Variants in CUL4A observed in about 807,000 individuals in gnomAD.
CUL4A encodes the protein cullin 4A.
In CUL4A, 16 loss-of-function variants were observed where a neutral mutation model predicts 95.5. That is an observed-to-expected ratio of 0.17 (90% CI 0.11 to 0.25). The LOEUF (loss-of-function observed/expected upper bound fraction) is 0.25. Among genes scored for constraint, CUL4A ranks in the 10% least tolerant of loss-of-function variants. The pLI, the probability that CUL4A is intolerant of heterozygous loss-of-function variation, is 1.00. For missense variants in CUL4A, 610 were observed against 937.0 expected (o/e 0.65, Z 4.56); for synonymous variants, 380 against 353.1 (o/e 1.08, Z -0.85).
intron 3 of CUL4A, among the ~76,000 whole-genome samples, chr13:113,227,066 G>C (rs184668871): frequency 6.6e-6 from 1 of 152,204 alleles, no homozygotes. Flanking sequence ...ATGAAGGGAG[G>C]CTGGAGAGGG....
At chr13:113,230,909 T>C (rs1362191779) in intron 5 of CUL4A, among the ~76,000 whole-genome samples, 9 of 152,116 alleles carry the variant, frequency 5.9e-5, no homozygotes, top group Non-Finnish European at 8.8e-5. Flanking sequence ...TAGCTGGGAC[T>C]ATAGGCACGC....
At chr13:113,208,409 G>A, upstream of CUL4A, 1 of 1,480,822 alleles carries the variant, frequency 6.8e-7, no homozygotes, top group Non-Finnish European at 8.9e-7. Context: ...CCCTGCAGGG[G>A]AGAACTCGGG....
intron 15 of CUL4A, 136 bp downstream of exon 15, chr13:113,246,199 G>T: frequency 1.5e-6 from 1 of 651,964 alleles, no homozygotes; most frequent in Non-Finnish European, 2.6e-6. Context: ...TGCTCTTATG[G>T]TCTTTGGAAA....
In CUL4A at chr13:113,260,829, A is replaced by T. The variant is rs1035602670; in HGVS notation, c.2184+70A>T. The stretch of plus-strand genomic sequence containing the variant: ...CAATTGACAAAGCATGTTTAATTCT[A>T]TGTTCAGTCATATCATTTGACCTGC... On this transcript the variant is annotated intron_variant, in intron 19 of 19. Coordinates refer to ENST00000375440, the MANE Select transcript of CUL4A (RefSeq NM_001008895.4). 3 of 1,164,590 alleles carry T rather than the reference A, an allele frequency of 2.6e-6. No homozygotes were observed. In the African/African-American group the frequency reaches 4.6e-5, roughly 18 times the overall value. 72.1% of individuals were successfully genotyped at this position (1,164,590 alleles called of 1,614,324 possible). A position where few individuals can be genotyped will look rare whatever the true frequency, so the allele number is the denominator to read the frequency against.
chr13:113,244,485 A>G lies in CUL4A; in HGVS notation c.1304A>G (p.Lys435Arg). ...GAGGAGCTGGAGCGGACGTTGGACA[A>G]GATCATGATCCTGTTCAGGTTTATC... ...TDEELERTLD[K>R]IMILFRFIHG... The change falls in exon 12 of 20, where the codon AAG (lysine) becomes AGG (arginine). Residue 435 changes from lysine to arginine, a missense_variant. Transcript: ENST00000375440. 2 of 1,613,116 alleles carry G rather than the reference A, an allele frequency of 1.2e-6. No individual in the cohort carries two copies. The highest frequency in any genetic ancestry group is 3.3e-4 in the Middle Eastern group (2 of 6,058).
In CUL4A at chr13:113,242,587, C is replaced by G. The variant is rs139817658; in HGVS notation, c.1036-381C>G. 6.8e-3 allele frequency among the ~76,000 whole-genome samples: 1,033 copies of G among 152,070 alleles called. 6 individuals carry two copies. The highest frequency in any genetic ancestry group is 0.011 in the Non-Finnish European group (775 of 68,008). On this transcript the variant is annotated intron_variant, in intron 10 of 19. Coordinates refer to ENST00000375440, the MANE Select transcript of CUL4A (RefSeq NM_001008895.4). ...GGAGGATTGCTTGAGGCCAGGAGTT[C>G]GAGACCAGCCTGGGCAACATGACCC...
intron 10 of CUL4A, among the ~76,000 whole-genome samples, chr13:113,241,066 T>C (rs2041694948): frequency 6.6e-6 from 1 of 152,204 alleles, no homozygotes; most frequent in South Asian, 2.1e-4. Context: ...TCAGTCCAGC[T>C]GTGGAAAGCC....
At chr13:113,245,532 A>G (rs887891950) in intron 14 of CUL4A, among the ~76,000 whole-genome samples, 2 of 152,250 alleles carry the variant, frequency 1.3e-5, no homozygotes, top group Admixed American at 6.5e-5. Context: ...CCTGGGCAAC[A>G]GAGTGAGACC....
chr13:113,225,412 A>T (rs1484427361), intron 3 of CUL4A, among the ~76,000 whole-genome samples: 1 of 152,174 alleles, frequency 6.6e-6, no homozygotes, highest in African/African-American at 2.4e-5. Context: ...TGTGGGAAAT[A>T]ACAAAAAAAT....
At chr13:113,244,385 A>T (rs1162066867) in intron 11 of CUL4A, 25 bp from the exon 12 acceptor site, 1 of 1,542,398 alleles carries the variant, frequency 6.5e-7, no homozygotes, top group South Asian at 1.2e-5. Flanking sequence ...AGTTTAGAGT[A>T]TTTACTATAT....
chr13:113,234,364 G>A (rs1383645833), intron 7 of CUL4A, among the ~76,000 whole-genome samples: 4 of 152,070 alleles, frequency 2.6e-5, no homozygotes, highest in African/African-American at 4.8e-5. Flanking sequence ...AAAGCTGTGC[G>A]AAAAAACATG....
intron 11 of CUL4A, among the ~76,000 whole-genome samples, chr13:113,243,729 A>G (rs2041785236): frequency 6.6e-6 from 1 of 152,190 alleles, no homozygotes; most frequent in Non-Finnish European, 1.5e-5. Flanking sequence ...TGTGTTCAGA[A>G]TATTCCATTA....
In CUL4A at chr13:113,255,015, A is replaced by G; in HGVS notation, c.1921A>G (p.Lys641Glu). 6.2e-7 allele frequency: 1 copy of G among 1,614,234 alleles called. No individual in the cohort carries two copies. Among genetic ancestry groups the G allele is most frequent in the Non-Finnish European group, 8.5e-7 (1 of 1,180,012 alleles). Reference sequence around the variant, plus strand: ...CTGTGGCAAAGCACGTGTGCTGATTAAAAGTCCCAAAGGAAAGGAAGTGGA... The same window carrying G: ...CTGTGGCAAAGCACGTGTGCTGATTGAAAGTCCCAAAGGAAAGGAAGTGGA... Reference protein sequence around the residue: ...LACGKARVLIKSPKGKEVEDG... With the variant: ...LACGKARVLIESPKGKEVEDG... The change falls in exon 18 of 20, where the codon AAA (lysine) becomes GAA (glutamate). Residue 641 changes from lysine (K) to glutamate (E), a missense_variant. Lys to Glu is a moderately conservative substitution (Grantham distance 56). Around this residue, in one of 10 missense-constraint regions of CUL4A, gnomAD observed 72 missense variants for 93.2 expected, o/e 0.77. Transcript: ENST00000375440.
At chr13:113,261,649 G>A (rs1257710404) in intron 19 of CUL4A, among the ~76,000 whole-genome samples, 6 of 151,890 alleles carry the variant, frequency 4.0e-5, no homozygotes, top group Non-Finnish European at 7.3e-5. Flanking sequence ...CGAAGCAGAG[G>A]TGAGCAAGAG....
chr13:113,247,728 G>A (rs540051385), intron 15 of CUL4A, among the ~76,000 whole-genome samples: 197 of 152,302 alleles, frequency 1.3e-3, no homozygotes, highest in Middle Eastern at 3.4e-3. Flanking sequence ...CGCTGGCCAC[G>A]TGGTGCTGTC....
chr13:113,209,682 A>G lies in CUL4A; in HGVS notation c.55A>G (p.Asn19Asp). 1 of 1,145,402 alleles carries G rather than the reference A, an allele frequency of 8.7e-7. No homozygotes were observed. Among genetic ancestry groups the G allele is most frequent in the Non-Finnish European group, 1.1e-6 (1 of 933,620 alleles). The allele number at this position is 1,145,402 out of a possible 1,614,324, so 71.0% of individuals were successfully genotyped here. Residue 19 changes from asparagine (N) to aspartate (D), a missense_variant, in exon 1 of 20, where the codon AAC (asparagine) becomes GAC (aspartate). Around this residue, in one of 10 missense-constraint regions of CUL4A, gnomAD observed 168 missense variants for 185.5 expected, o/e 0.91. Coordinates refer to ENST00000375440, the MANE Select transcript of CUL4A (RefSeq NM_001008895.4). The part of the protein sequence containing the change: ...GSFSALVGRT[N>D]GLTKPAALAA... ...CTTCTCGGCGCTCGTGGGCCGCACC[A>G]ACGGCCTCACCAAGCCCGCGGCCCT...
intron 3 of CUL4A, among the ~76,000 whole-genome samples, chr13:113,223,221 G>A (rs1290235728): frequency 3.9e-5 from 6 of 152,160 alleles, no homozygotes; most frequent in African/African-American, 9.7e-5. Context: ...GTTTTTGCTG[G>A]AAGAGAGTTC....
At position 113,255,089 on chromosome 13, in the gene CUL4A, T is replaced by C. The variant is rs776784512; in HGVS notation, c.1995T>C (p.Phe665=). The change falls in exon 18 of 20, where the codon TTT becomes TTC. Residue 665 remains phenylalanine (F), a synonymous_variant. Coordinates refer to ENST00000375440, the MANE Select transcript of CUL4A (RefSeq NM_001008895.4). ...IFNGEFKHKL[F]RIKINQIQMK... is the part of the protein sequence containing the mutation. ...ATGGAGAGTTCAAGCACAAGTTGTT[T>C]AGAATAAAGATCAATCAAATTCAGA... 8.7e-6 allele frequency: 14 copies of C among 1,613,914 alleles called. No individual in the cohort carries two copies. In the South Asian group the frequency reaches 1.4e-4, roughly 16 times the overall value.
rs1175018101 is a variant in CUL4A, at chr13:113,265,237, T to C, written c.*1655T>C. On this transcript the variant is annotated 3_prime_UTR_variant, in exon 20 of 20. Transcript: ENST00000375440. ...GTAGTGACAAGTGGGTCTTTTTTAC[T>C]TGGACGATTCGTTGTGCTGTGCCTT... 1.3e-5 allele frequency: 2 copies of C among 152,224 alleles called. No homozygotes were observed. Among genetic ancestry groups the C allele is most frequent in the African/African-American group, 2.4e-5 (1 of 41,454 alleles). 9.4% of individuals were successfully genotyped at this position (152,224 alleles called of 1,614,324 possible).
Sources: gnomAD v4.1 joint callset for allele counts (sites outside exome capture counted in the v4.1 genomes callset) on GRCh38, gnomAD v4.1.1 for gene constraint, gnomAD v4.1.1 regional missense constraint, MANE v1.5 for transcripts, NCBI Gene and HGNC (gene_info 2026-07-23, HGNC 2026-07-21) for gene names.